The following NKAIN2 variants were observed in gnomAD, a reference collection of about 807,000 sequenced individuals.
NKAIN2 encodes the protein sodium/potassium-transporting ATPase subunit beta-1-interacting protein 2.
A neutral mutation model predicts 32.6 loss-of-function variants in NKAIN2; 14 were observed. The observed-to-expected ratio is 0.43, with a 90% CI of 0.28 to 0.67. The LOEUF is 0.67. NKAIN2 is among the 30% of genes least tolerant of loss of function. The pLI, the probability that NKAIN2 is intolerant of heterozygous loss-of-function variation, is 0.17. For missense variants in NKAIN2, 198 were observed against 258.3 expected, an observed-to-expected ratio of 0.77 and a Z score of 1.60; for synonymous variants, 80 against 87.2, an observed-to-expected ratio of 0.92 and a Z score of 0.46.
intron 3 of NKAIN2, among the ~76,000 whole-genome samples, chr6:124,437,555 G>C (rs115677585): frequency 1.3e-5 from 2 of 150,598 alleles, no homozygotes; most frequent in East Asian, 1.9e-4. Context: ...TCTTTCTTCT[G>C]TCTCTGTCTT....
intron 4 of NKAIN2, among the ~76,000 whole-genome samples, chr6:124,790,534 C>CA (rs1215191682): frequency 6.6e-6 from 1 of 151,658 alleles, no homozygotes; most frequent in East Asian, 1.9e-4. Flanking sequence ...GATCAATTTG[C>CA]AAAAAAAGAA....
intron 4 of NKAIN2, among the ~76,000 whole-genome samples, chr6:124,789,434 A>G (rs1253228231): frequency 6.6e-6 from 1 of 152,102 alleles, no homozygotes; most frequent in African/African-American, 2.4e-5. Context: ...AGCAATACCA[A>G]GGGGATTTAA....
chr6:124,046,578 A>C (rs778945215), intron 1 of NKAIN2, among the ~76,000 whole-genome samples: 14 of 152,012 alleles, frequency 9.2e-5, no homozygotes, highest in Non-Finnish European at 1.9e-4. Flanking sequence ...AGTGGAACAG[A>C]ATTTGAATTA....
intron 1 of NKAIN2, among the ~76,000 whole-genome samples, chr6:124,005,005 A>C (rs1343073546): frequency 6.6e-6 from 1 of 152,032 alleles, no homozygotes; most frequent in Non-Finnish European, 1.5e-5. Context: ...CAGGTGACTC[A>C]CTTGAGTTCA....
intron 4 of NKAIN2, among the ~76,000 whole-genome samples, chr6:124,677,949 T>A (rs772066603): frequency 1.3e-5 from 2 of 152,146 alleles, no homozygotes; most frequent in Non-Finnish European, 2.9e-5. Context: ...TGTCTTCTTT[T>A]TCCTTCATTT....
rs188151962 is a variant in NKAIN2, at chr6:124,024,714, C to T, written c.54+220460C>T. 4.5e-3 allele frequency among the ~76,000 whole-genome samples: 681 copies of T among 152,210 alleles called. 8 individuals carry two copies. Among genetic ancestry groups the T allele is most frequent in the African/African-American group, 0.015 (643 of 41,536 alleles). On this transcript the variant is annotated intron_variant, in intron 1 of 6. Coordinates refer to ENST00000368417, the MANE Select transcript of NKAIN2 (RefSeq NM_001040214.3). ...TTCAAGAGTGCTTTTCCTGGCCAGG[C>T]GTGGTGGCTCATGCCTGTAATCCCA...
chr6:124,709,527 G>T (rs1395771813), intron 4 of NKAIN2, among the ~76,000 whole-genome samples: 3 of 151,030 alleles, frequency 2.0e-5, no homozygotes, highest in South Asian at 2.1e-4. Context: ...TCCTGTTATT[G>T]GTCTATTCAG....
chr6:124,689,755 A>C (rs1774170891), intron 4 of NKAIN2, among the ~76,000 whole-genome samples: 1 of 152,102 alleles, frequency 6.6e-6, no homozygotes, highest in Admixed American at 6.6e-5. Context: ...TTCTGTAACA[A>C]AGATTAGTTT....
intron 1 of NKAIN2, among the ~76,000 whole-genome samples, chr6:124,215,357 G>T (rs1004175412): frequency 1.4e-4 from 21 of 151,970 alleles, no homozygotes; most frequent in Non-Finnish European, 8.8e-5. Context: ...ATAATAAAGA[G>T]ATTTTCACAC....
intron 3 of NKAIN2, among the ~76,000 whole-genome samples, chr6:124,646,996 C>A (rs1784196065): frequency 6.6e-6 from 1 of 151,326 alleles, no homozygotes; most frequent in African/African-American, 2.4e-5. Context: ...AAGCAAGAAA[C>A]CTCAAATATA....
At chr6:124,299,992 C>T (rs1308560378) in intron 2 of NKAIN2, among the ~76,000 whole-genome samples, 1 of 152,168 alleles carries the variant, frequency 6.6e-6, no homozygotes, top group Non-Finnish European at 1.5e-5. Flanking sequence ...TATCTCAAAT[C>T]AGCTTTCCAG....
intron 3 of NKAIN2, among the ~76,000 whole-genome samples, chr6:124,481,185 T>A (rs1164929059): frequency 6.6e-6 from 1 of 150,864 alleles, no homozygotes. Context: ...TTTTTTTTTT[T>A]TTTCACAGTG....
At chr6:124,587,187 A>G (rs1781740426) in intron 3 of NKAIN2, among the ~76,000 whole-genome samples, 1 of 152,012 alleles carries the variant, frequency 6.6e-6, no homozygotes, top group South Asian at 2.1e-4. Context: ...AAGAACCAAA[A>G]CTTTTTTTGT....
chr6:124,155,084 A>G (rs1562389900), intron 1 of NKAIN2, among the ~76,000 whole-genome samples: 1 of 152,120 alleles, frequency 6.6e-6, no homozygotes, highest in Non-Finnish European at 1.5e-5. Context: ...AGCTATTTGA[A>G]TTTAAGCCAC....
chr6:124,314,186 A>T (rs1308375642), intron 2 of NKAIN2, among the ~76,000 whole-genome samples: 5 of 152,110 alleles, frequency 3.3e-5, no homozygotes, highest in Non-Finnish European at 7.3e-5. Flanking sequence ...AGTCAATTCT[A>T]GACAACTGGA....
chr6:124,261,680 C>G (rs940167325), intron 1 of NKAIN2, among the ~76,000 whole-genome samples: 3 of 152,012 alleles, frequency 2.0e-5, no homozygotes, highest in Non-Finnish European at 4.4e-5. Flanking sequence ...GCCAAGATGG[C>G]AAAGCCCCAC....
intron 1 of NKAIN2, among the ~76,000 whole-genome samples, chr6:124,008,147 T>G (rs1017739314): frequency 3.3e-5 from 5 of 152,154 alleles, no homozygotes; most frequent in Non-Finnish European, 7.4e-5. Context: ...GTTTTGTTGT[T>G]TGTTTAAACC....
chr6:124,392,172 T>C (rs556230925), intron 3 of NKAIN2, among the ~76,000 whole-genome samples: 6 of 152,286 alleles, frequency 3.9e-5, no homozygotes, highest in Admixed American at 1.3e-4. Context: ...GATATCTTTT[T>C]TATTTCTCAT....
At chr6:124,743,435 T>C (rs1777314455) in intron 4 of NKAIN2, among the ~76,000 whole-genome samples, 1 of 124,270 alleles carries the variant, frequency 8.0e-6, no homozygotes, top group Non-Finnish European at 1.9e-5. Context: ...AATCGATCAT[T>C]ATTAACATTT....
Sources: allele counts gnomAD v4.1 joint callset (sites outside exome capture counted in the v4.1 genomes callset), GRCh38; gene constraint gnomAD v4.1.1; transcripts MANE v1.5; gene names NCBI Gene and HGNC (gene_info 2026-07-23, HGNC 2026-07-21).